C12orf42: variants seen among roughly 807,000 people sequenced by gnomAD.
The protein encoded by C12orf42 is uncharacterized protein C12orf42.
In C12orf42, 25 loss-of-function variants were observed where a neutral mutation model predicts 21.6. The ratio of observed to expected loss-of-function variants is 1.16; its 90% CI spans 0.84 to 1.62. The LOEUF is 1.62. C12orf42 is among the 40% of genes most tolerant of loss of function. The pLI, the probability that C12orf42 is intolerant of heterozygous loss-of-function variation, is 0.00. For missense variants in C12orf42, 483 were observed against 459.3 expected (o/e 1.05, Z -0.47); for synonymous variants, 174 against 175.0 (o/e 0.99, Z 0.05).
At chr12:103,139,485 A>G in the C12orf42 span, among the ~76,000 whole-genome samples, 3 of 152,172 alleles carry the variant, frequency 2.0e-5, no homozygotes, top group African/African-American at 7.2e-5. Context: ...GATTAAAGAC[A>G]GTATTTCAAG....
intron 4 of C12orf42, among the ~76,000 whole-genome samples, chr12:103,308,495 C>T (rs956024972): frequency 6.6e-6 from 1 of 152,150 alleles, no homozygotes; most frequent in African/African-American, 2.4e-5. Context: ...TTTAGCATTC[C>T]TTACCATTTA....
the C12orf42 span, among the ~76,000 whole-genome samples, chr12:103,197,610 T>C: frequency 6.6e-6 from 1 of 152,228 alleles, no homozygotes; most frequent in Non-Finnish European, 1.5e-5. Flanking sequence ...AGAGCTAGTA[T>C]GGTCACTTGG....
the C12orf42 span, among the ~76,000 whole-genome samples, chr12:103,510,720 C>T: frequency 6.6e-6 from 1 of 152,118 alleles, no homozygotes; most frequent in Non-Finnish European, 1.5e-5. Flanking sequence ...TTCCTTTGTG[C>T]TGTGGGTTAG....
At chr12:103,431,985 A>C (rs1950300319) in intron 2 of C12orf42, among the ~76,000 whole-genome samples, 1 of 152,210 alleles carries the variant, frequency 6.6e-6, no homozygotes, top group Non-Finnish European at 1.5e-5. Context: ...AAGGTCAAGC[A>C]GGCAACCTGA....
intron 4 of C12orf42, among the ~76,000 whole-genome samples, chr12:103,314,696 T>A (rs1360871315): frequency 2.6e-5 from 4 of 152,126 alleles, no homozygotes; most frequent in Admixed American, 2.6e-4. Flanking sequence ...GCCAGGGAAT[T>A]CTTCATAACA....
At chr12:103,179,248 A>G in the C12orf42 span, among the ~76,000 whole-genome samples, 31 of 152,190 alleles carry the variant, frequency 2.0e-4, no homozygotes, top group Non-Finnish European at 1.6e-4. Flanking sequence ...GATTGTTGCT[A>G]TCAAGAAGTT....
At chr12:103,282,525 C>CAT (rs1303587108) in intron 4 of C12orf42, among the ~76,000 whole-genome samples, 6 of 152,120 alleles carry the variant, frequency 3.9e-5, no homozygotes, top group African/African-American at 1.2e-4. Flanking sequence ...TAGGATATAT[C>CAT]ATATAGCCTA....
chr12:103,514,743 AC>A, the C12orf42 span, among the ~76,000 whole-genome samples: 30 of 151,760 alleles, frequency 2.0e-4, no homozygotes, highest in Non-Finnish European at 3.5e-4. Context: ...ACAATTCTAT[AC>A]AAGATAAATA....
intron 4 of C12orf42, among the ~76,000 whole-genome samples, chr12:103,337,153 C>A (rs891580534): frequency 6.6e-6 from 1 of 152,144 alleles, no homozygotes; most frequent in Non-Finnish European, 1.5e-5. Context: ...CAAGAAGAAG[C>A]CAGAATAAAA....
the C12orf42 span, among the ~76,000 whole-genome samples, chr12:103,151,119 G>A: frequency 6.6e-5 from 10 of 152,060 alleles, no homozygotes; most frequent in African/African-American, 2.2e-4. Flanking sequence ...GTAGAGATGG[G>A]GGTTTCACCA....
the C12orf42 span, among the ~76,000 whole-genome samples, chr12:103,093,099 CCTA>C: frequency 2.0e-5 from 3 of 152,190 alleles, no homozygotes; most frequent in Non-Finnish European, 4.4e-5. Context: ...TCCCATGATT[CCTA>C]CTATTTCCTC....
the C12orf42 span, among the ~76,000 whole-genome samples, chr12:103,181,920 G>A: frequency 6.6e-6 from 1 of 152,158 alleles, no homozygotes; most frequent in Admixed American, 6.5e-5. Context: ...TATTTCCCTA[G>A]GATGAAAGAC....
At chr12:103,193,360 T>A in the C12orf42 span, among the ~76,000 whole-genome samples, 2 of 147,358 alleles carry the variant, frequency 1.4e-5, no homozygotes, top group South Asian at 2.1e-4. Context: ...AAAACTAAGC[T>A]CTAAGTTAAC....
At chr12:103,440,754 G>A (rs573930418) in intron 2 of C12orf42, among the ~76,000 whole-genome samples, 340 of 152,162 alleles carry the variant, frequency 2.2e-3, no homozygotes, top group African/African-American at 7.8e-3. Context: ...ACACCACACC[G>A]TGGCTCCCCT....
chr12:103,318,543 G>A (rs1462154814), intron 4 of C12orf42, among the ~76,000 whole-genome samples: 2 of 152,126 alleles, frequency 1.3e-5, no homozygotes, highest in African/African-American at 4.8e-5. Flanking sequence ...TTTTGCCTCT[G>A]TCAGGTAGAA....
chr12:103,397,386 G>A (rs548293987), intron 3 of C12orf42, among the ~76,000 whole-genome samples: 10 of 152,290 alleles, frequency 6.6e-5, no homozygotes, highest in Admixed American at 4.6e-4. Flanking sequence ...TGAGTGCCAG[G>A]CTGGGGGCAA....
chr12:103,453,255 G>T (rs998833021), intron 2 of C12orf42, among the ~76,000 whole-genome samples: 2 of 150,884 alleles, frequency 1.3e-5, no homozygotes, highest in East Asian at 3.9e-4. Context: ...CTTATATAAA[G>T]GTTTATATAA....
At chr12:103,363,014 T>C (rs1433155797) in intron 4 of C12orf42, among the ~76,000 whole-genome samples, 1 of 152,042 alleles carries the variant, frequency 6.6e-6, no homozygotes, top group Non-Finnish European at 1.5e-5. Flanking sequence ...GGAAATTCAC[T>C]GTGAAAAGAT....
At chr12:103,550,793 T>C in the C12orf42 span, 1 of 152,124 alleles carries the variant, frequency 6.6e-6, no homozygotes, top group Admixed American at 6.5e-5. Flanking sequence ...GTAAATTATA[T>C]GTATCTTGCC....
Sources: gnomAD v4.1 joint callset for allele counts (sites outside exome capture counted in the v4.1 genomes callset) on GRCh38, gnomAD v4.1.1 for gene constraint, MANE v1.5 for transcripts, NCBI Gene and HGNC (gene_info 2026-07-23, HGNC 2026-07-21) for gene names.